The following GLIS3 variants were observed in gnomAD, a reference collection of about 807,000 sequenced individuals.
The protein encoded by GLIS3 is GLIS family zinc finger 3, also known as zinc finger protein GLIS3.
Under a neutral mutation model 78.6 loss-of-function variants are expected in GLIS3, and 53 were observed. That is an observed-to-expected ratio of 0.67 (90% CI 0.54 to 0.85). The LOEUF (loss-of-function observed/expected upper bound fraction) is 0.85, where lower values mean the gene tolerates loss of function less well. GLIS3 is among the 40% of genes least tolerant of loss of function. The probability of loss-of-function intolerance (pLI) is 0.00; values close to 1 mark genes in which losing one functional copy is unlikely to be tolerated. For missense variants in GLIS3, 1,703 were observed against 1,231.1 expected, an observed-to-expected ratio of 1.38 and a Z score of -5.74; for synonymous variants, 684 against 509.9, an observed-to-expected ratio of 1.34 and a Z score of -4.60.
the GLIS3 span, among the ~76,000 whole-genome samples, chr9:4,432,420 G>A: frequency 6.6e-6 from 1 of 152,068 alleles, no homozygotes; most frequent in African/African-American, 2.4e-5. Context: ...CTGAGTAAGC[G>A]CATGTAGTTC....
chr9:4,149,396 T>A (rs1430236220), intron 2 of GLIS3, among the ~76,000 whole-genome samples: 1 of 152,212 alleles, frequency 6.6e-6, no homozygotes, highest in Non-Finnish European at 1.5e-5. Flanking sequence ...CAGATGGCTA[T>A]GAGTTCATTC....
intron 4 of GLIS3, among the ~76,000 whole-genome samples, chr9:4,006,304 CAAAAAA>C (rs71497513): frequency 3.7e-4 from 12 of 32,546 alleles, no homozygotes; most frequent in African/African-American, 1.2e-3. Context: ...TCATATGTCT[CAAAAAA>C]AAAAAAAAAA....
chr9:4,211,607 A>G (rs1216506179), intron 2 of GLIS3, among the ~76,000 whole-genome samples: 1 of 152,230 alleles, frequency 6.6e-6, no homozygotes, highest in Non-Finnish European at 1.5e-5. Flanking sequence ...AACTTTGCAA[A>G]ACAGTTTGGT....
the GLIS3 span, among the ~76,000 whole-genome samples, chr9:4,471,788 G>A: frequency 2.2e-4 from 34 of 152,232 alleles, no homozygotes; most frequent in Admixed American, 2.0e-3. Context: ...CTTCTGCACA[G>A]CAAAAGAAAC....
the GLIS3 span, among the ~76,000 whole-genome samples, chr9:4,416,542 G>A: frequency 1.3e-5 from 2 of 151,806 alleles, no homozygotes; most frequent in Admixed American, 6.6e-5. Context: ...TATTTTTTAT[G>A]CCTTGCTAAA....
chr9:4,389,531 C>G, the GLIS3 span, among the ~76,000 whole-genome samples: 6 of 152,138 alleles, frequency 3.9e-5, no homozygotes, highest in African/African-American at 1.4e-4. Context: ...TCTGCATTTC[C>G]AAAGGTTCTT....
At chr9:4,140,199 C>G (rs1189420375) in intron 2 of GLIS3, among the ~76,000 whole-genome samples, 3 of 152,144 alleles carry the variant, frequency 2.0e-5, no homozygotes, top group Non-Finnish European at 4.4e-5. Context: ...TGGCGCGTGC[C>G]TATAATCCCA....
intron 4 of GLIS3, among the ~76,000 whole-genome samples, chr9:4,050,125 G>A (rs1825611504): frequency 6.6e-6 from 1 of 151,944 alleles, no homozygotes; most frequent in South Asian, 2.1e-4. Context: ...TATAAATCAT[G>A]CCGCTATAAA....
chr9:4,041,304 G>A (rs1047011543), intron 4 of GLIS3, among the ~76,000 whole-genome samples: 2 of 152,178 alleles, frequency 1.3e-5, no homozygotes, highest in Non-Finnish European at 2.9e-5. Flanking sequence ...TAGGGATAAG[G>A]GAAACTGCCA....
chr9:4,391,290 T>A, the GLIS3 span, among the ~76,000 whole-genome samples: 1 of 152,218 alleles, frequency 6.6e-6, no homozygotes, highest in Admixed American at 6.5e-5. Context: ...CCTTCAGAAA[T>A]TCCTTAGAGA....
chr9:4,296,773 A>C (rs528001640), intron 1 of GLIS3, among the ~76,000 whole-genome samples: 10 of 152,220 alleles, frequency 6.6e-5, no homozygotes, highest in African/African-American at 2.4e-4. Context: ...TAGCGAAAAA[A>C]AAATGTCCCC....
At chr9:4,335,301 C>T (rs545691052) in intron 2 of GLIS3, among the ~76,000 whole-genome samples, 1 of 152,274 alleles carries the variant, frequency 6.6e-6, no homozygotes, top group South Asian at 2.1e-4. Context: ...AAAGTCTATA[C>T]CACAAAGTGA....
chr9:4,428,393 T>A, the GLIS3 span, among the ~76,000 whole-genome samples: 29 of 149,454 alleles, frequency 1.9e-4, 1 homozygote, highest in African/African-American at 6.9e-4. Context: ...GCACAAAAAT[T>A]GCTTGAACCT....
At chr9:4,309,067 A>C (rs1256069481) in intron 3 of GLIS3, 1 of 152,260 alleles carries the variant, frequency 6.6e-6, no homozygotes, top group Non-Finnish European at 1.5e-5. Context: ...TGGCTACCAC[A>C]CATAATGTAT....
rs1363480768 is a variant in GLIS3, at chr9:4,279,322, T to TAC, written c.388+6715_388+6716insGT. Among the ~76,000 whole-genome samples the TAC allele has an allele frequency of 1.9e-3, 99 of 51,944 alleles. 1 individual carries two copies. Among genetic ancestry groups the TAC allele is most frequent in the South Asian group, 0.012 (15 of 1,250 alleles). 34.1% of individuals were successfully genotyped at this position (51,944 alleles called of 152,430 possible). ...CAAAAAAAAAAAAAAAAAATATATA[T>TAC]ATACACACACACACACACACACACA... On this transcript the variant is annotated intron_variant, in intron 2 of 10. Coordinates refer to ENST00000381971, the MANE Select transcript of GLIS3 (RefSeq NM_001042413.2).
chr9:4,455,159 T>A, the GLIS3 span, among the ~76,000 whole-genome samples: 1 of 152,238 alleles, frequency 6.6e-6, no homozygotes, highest in Non-Finnish European at 1.5e-5. Context: ...AGCCTGCCTT[T>A]GTGGCATATT....
At chr9:4,226,116 C>T (rs1319746692) in intron 2 of GLIS3, among the ~76,000 whole-genome samples, 1 of 152,184 alleles carries the variant, frequency 6.6e-6, no homozygotes, top group African/African-American at 2.4e-5. Context: ...GTTTAAATTA[C>T]TAATTCCTGC....
intron 2 of GLIS3, among the ~76,000 whole-genome samples, chr9:4,159,510 G>A (rs1019838816): frequency 6.6e-6 from 1 of 152,122 alleles, no homozygotes; most frequent in African/African-American, 2.4e-5. Context: ...CTTGAGGTGA[G>A]GAGTTTGAGA....
intron 4 of GLIS3, among the ~76,000 whole-genome samples, chr9:3,971,262 C>T (rs963915202): frequency 6.6e-6 from 1 of 152,138 alleles, no homozygotes; most frequent in African/African-American, 2.4e-5. Context: ...CATGAAGACA[C>T]TACACACTTT....
Sources: allele counts gnomAD v4.1 joint callset (sites outside exome capture counted in the v4.1 genomes callset), GRCh38; gene constraint gnomAD v4.1.1; transcripts MANE v1.5; gene names NCBI Gene and HGNC (gene_info 2026-07-23, HGNC 2026-07-21).